The following ANKRD12 variants were observed in gnomAD, a reference collection of about 807,000 sequenced individuals.
ANKRD12 encodes the protein ankyrin repeat domain-containing protein 12.
In ANKRD12, 85 loss-of-function variants were observed where a neutral mutation model predicts 183.4. The ratio of observed to expected loss-of-function variants is 0.46; its 90% CI spans 0.39 to 0.56. The LOEUF (loss-of-function observed/expected upper bound fraction) is 0.56, where lower values mean the gene tolerates loss of function less well. ANKRD12 is among the 20% of genes least tolerant of loss of function. The probability of loss-of-function intolerance (pLI) is 0.00; values close to 1 mark genes in which losing one functional copy is unlikely to be tolerated. For synonymous variants in ANKRD12, 914 were observed against 800.2 expected (o/e 1.14, Z -2.40); for missense variants, 2,405 against 2,357.1 (o/e 1.02, Z -0.42).
In ANKRD12 at chr18:9,254,633, A is replaced by G; in HGVS notation, c.1366A>G (p.Thr456Ala). 3.8e-6 allele frequency: 6 copies of G among 1,580,390 alleles called. No individual in the cohort carries two copies. Among genetic ancestry groups the G allele is most frequent in the Non-Finnish European group, 5.1e-6 (6 of 1,167,042 alleles). Residue 456 changes from threonine (T) to alanine (A), a missense_variant, in exon 9 of 13, where the codon ACC becomes GCC. By Grantham distance (58) the Thr-to-Ala change is moderately conservative. This residue lies in a region of ANKRD12 where 1,983 missense variants were observed against 1,725.9 expected (regional missense o/e 1.15). Coordinates refer to ENST00000262126, the MANE Select transcript of ANKRD12 (RefSeq NM_015208.5). Reference protein sequence around the residue: ...IPETSNSDMQTKKEYVVSGEH... With the variant: ...IPETSNSDMQAKKEYVVSGEH... ...TGAAACATCAAATTCTGATATGCAA[A>G]CCAAAAAGGAATATGTAGTTTCAGG...
chr18:9,277,618 C>T (rs189050458), intron 11 of ANKRD12, among the ~76,000 whole-genome samples: 178 of 151,758 alleles, frequency 1.2e-3, no homozygotes, highest in South Asian at 4.6e-3. Flanking sequence ...TGAGCCACCG[C>T]GCCCGGCCGA....
intron 1 of ANKRD12, among the ~76,000 whole-genome samples, 196 bp from the exon 2 acceptor site, chr18:9,182,186 A>C (rs1329586021): frequency 1.3e-5 from 2 of 152,202 alleles, no homozygotes; most frequent in East Asian, 3.8e-4. Flanking sequence ...TACAGGAAGA[A>C]ATTTATTAAA....
At chr18:9,204,835 T>A (rs2035387802) in intron 4 of ANKRD12, among the ~76,000 whole-genome samples, 1 of 152,162 alleles carries the variant, frequency 6.6e-6, no homozygotes, top group Non-Finnish European at 1.5e-5. Context: ...AATGTGAAAG[T>A]CAACCCCTGG....
intron 8 of ANKRD12, among the ~76,000 whole-genome samples, chr18:9,227,407 C>T (rs2036782497): frequency 6.6e-6 from 1 of 151,970 alleles, no homozygotes; most frequent in African/African-American, 2.4e-5. Flanking sequence ...ATGTTTTCTA[C>T]AAAAAGAAAA....
intron 2 of ANKRD12, among the ~76,000 whole-genome samples, chr18:9,185,500 A>T (rs1388363621): frequency 6.6e-6 from 1 of 152,232 alleles, no homozygotes; most frequent in East Asian, 1.9e-4. Flanking sequence ...GGTTGTTTTG[A>T]ATAAGTTTGC....
intron 2 of ANKRD12, among the ~76,000 whole-genome samples, chr18:9,184,891 A>G (rs1385412414): frequency 6.6e-6 from 1 of 152,204 alleles, no homozygotes; most frequent in African/African-American, 2.4e-5. Context: ...AGATCTCCTC[A>G]GTTGATCTCA....
chr18:9,221,184 G>T (rs2036400045), intron 7 of ANKRD12, among the ~76,000 whole-genome samples: 2 of 152,144 alleles, frequency 1.3e-5, no homozygotes, highest in South Asian at 4.1e-4. Context: ...AGGATATGAA[G>T]AAAAAACAAG....
rs769868579 is a variant in ANKRD12 at position 9,257,885 on chromosome 18, G to A, written c.4618G>A (p.Glu1540Lys). The change falls in exon 9 of 13, where the codon GAA (glutamate) becomes AAA (lysine). Residue 1540 changes from glutamate to lysine, a missense_variant. Around this residue, in one of 7 missense-constraint regions of ANKRD12, gnomAD observed 1,983 missense variants for 1,725.9 expected, o/e 1.15. Coordinates refer to ENST00000262126, the MANE Select transcript of ANKRD12 (RefSeq NM_015208.5). ...TAGTTCTGCTTTAGATACTGATAAT[G>A]AATCTACAAAAGATACAGAAAATAC... ...IISSALDTDN[E>K]STKDTENTFV... The A allele has an allele frequency of 2.5e-6, 4 of 1,613,630 alleles. No individual in the cohort carries two copies. Among genetic ancestry groups the A allele is most frequent in the Non-Finnish European group, 3.4e-6 (4 of 1,179,870 alleles).
In ANKRD12 at chr18:9,263,793, A is replaced by G. The variant is rs759193965; in HGVS notation, c.5668A>G (p.Thr1890Ala). ...CTATATATATCTTTTTAATTAGATT[A>G]CACCACCACCTTCACTGTCAGATCC... ...PLSKICIPTI[T>A]PPPSLSDPLK... is the part of the protein sequence containing the mutation. Residue 1890 changes from threonine to alanine, a missense_variant, in exon 10 of 13, where the codon ACA (threonine) becomes GCA (alanine). Coordinates refer to ENST00000262126, the MANE Select transcript of ANKRD12 (RefSeq NM_015208.5). 1.9e-6 allele frequency: 3 copies of G among 1,549,712 alleles called. No homozygotes were observed. The highest frequency in any genetic ancestry group is 1.4e-5 in the African/African-American group (1 of 72,542).
At chr18:9,259,044 A>G in intron 9 of ANKRD12, 113 bp downstream of exon 9, 3 of 1,236,568 alleles carry the variant, frequency 2.4e-6, no homozygotes, top group South Asian at 1.7e-5. Flanking sequence ...CAGCAAAATA[A>G]TCTGTCAGTG....
chr18:9,140,964 T>A (rs1269041900), intron 1 of ANKRD12, among the ~76,000 whole-genome samples: 1 of 152,234 alleles, frequency 6.6e-6, no homozygotes, highest in Non-Finnish European at 1.5e-5. Flanking sequence ...AGTTATGTGA[T>A]GGATAGATTT....
In ANKRD12 at chr18:9,239,433, C is replaced by G. The variant is rs753983122; in HGVS notation, c.944-14778C>G. On this transcript the variant is annotated intron_variant, in intron 8 of 12. Coordinates refer to ENST00000262126, the MANE Select transcript of ANKRD12 (RefSeq NM_015208.5). ...TAGAACCTTTTTGATTTTCACTGATCTTGATTGTTTCATGTGTTCATCAGC... is the reference window on the plus strand; with the variant it reads ...TAGAACCTTTTTGATTTTCACTGATGTTGATTGTTTCATGTGTTCATCAGC... 2.5e-5 allele frequency: 24 copies of G among 942,668 alleles called. No individual in the cohort carries two copies. The South Asian group carries it at 3.3e-4, about 13-fold the overall frequency. The allele number at this position is 942,668 out of a possible 1,614,324, so 58.4% of individuals were successfully genotyped here. A position where few individuals can be genotyped will look rare whatever the true frequency, so the allele number is the denominator to read the frequency against.
At chr18:9,277,118 G>C (rs1212731230) in intron 11 of ANKRD12, among the ~76,000 whole-genome samples, 2 of 152,180 alleles carry the variant, frequency 1.3e-5, no homozygotes, top group Non-Finnish European at 1.5e-5. Flanking sequence ...CATACCTGTT[G>C]ATTCCTTCTT....
Position 9,279,706 on chromosome 18 carries a change from T to A in ANKRD12, c.6003+62T>A, listed in dbSNP as rs534544824. On this transcript the variant is annotated intron_variant, in intron 12 of 12. Coordinates refer to ENST00000262126, the MANE Select transcript of ANKRD12 (RefSeq NM_015208.5). ...CCCCCTTCTTAAAAAAAAAAAAAAC[T>A]CTACAGCTGTATTAGGGAGAAATAA... The A allele has an allele frequency of 7.7e-4, 646 of 839,036 alleles. 11 individuals carry two copies. In the African/African-American group the frequency reaches 0.01, roughly 13 times the overall value. 52.0% of individuals were successfully genotyped at this position (839,036 alleles called of 1,614,324 possible). A position where few individuals can be genotyped will look rare whatever the true frequency, so the allele number is the denominator to read the frequency against.
intron 11 of ANKRD12, among the ~76,000 whole-genome samples, chr18:9,279,098 GAGAAAGAATTT>G (rs1568011349): frequency 2.1e-3 from 2 of 958 alleles, no homozygotes; most frequent in Non-Finnish European, 4.5e-3. Flanking sequence ...ATTTCTTCAT[GAGAAAGAATTT>G]CTTCATGAGC....
intron 2 of ANKRD12, among the ~76,000 whole-genome samples, chr18:9,182,933 T>A (rs2033804236): frequency 1.3e-5 from 2 of 152,348 alleles, no homozygotes; most frequent in South Asian, 4.1e-4. Flanking sequence ...TCTCTGGTTT[T>A]ATACATTGTC....
At chr18:9,196,772 T>C (rs1598522121) in intron 3 of ANKRD12, among the ~76,000 whole-genome samples, 2 of 152,208 alleles carry the variant, frequency 1.3e-5, no homozygotes, top group Non-Finnish European at 2.9e-5. Context: ...GATTGCTCTG[T>C]CTTGCAGTGA....
intron 2 of ANKRD12, among the ~76,000 whole-genome samples, chr18:9,182,956 TTC>T (rs1465576824): frequency 6.6e-6 from 1 of 152,222 alleles, no homozygotes; most frequent in East Asian, 1.9e-4. Context: ...TGAATTTTTT[TTC>T]TGTTTACTTT....
intron 11 of ANKRD12, among the ~76,000 whole-genome samples, chr18:9,277,573 C>T (rs1160225140): frequency 4.6e-5 from 7 of 151,652 alleles, no homozygotes; most frequent in African/African-American, 9.7e-5. Context: ...GTGATCCACC[C>T]GCCTCGGCCT....
Sources: gnomAD v4.1 joint callset for allele counts (sites outside exome capture counted in the v4.1 genomes callset) on GRCh38, gnomAD v4.1.1 for gene constraint, gnomAD v4.1.1 regional missense constraint, MANE v1.5 for transcripts, NCBI Gene and HGNC (gene_info 2026-07-23, HGNC 2026-07-21) for gene names.